The following OPRPN variants were observed in gnomAD, a reference collection of about 807,000 sequenced individuals.
OPRPN encodes opiorphin prepropeptide.
OPRPN carries 1 observed loss-of-function variant against 2.2 expected under a neutral mutation model. The ratio of observed to expected loss-of-function variants is 0.45; its 90% CI spans 0.16 to 2.15. The LOEUF is 2.15. Ranked by LOEUF, OPRPN falls within the 30% of genes most tolerant of loss-of-function variation. OPRPN has a pLI of 0.28. For synonymous variants in OPRPN, 126 were observed against 111.5 expected (o/e 1.13, Z -0.82); for missense variants, 306 against 297.3 (o/e 1.03, Z -0.21).
At chr4:70,398,164 ATG>A (rs1250302183) in intron 1 of OPRPN, 124 bp downstream of exon 1, 3 of 148,002 alleles carry the variant, frequency 2.0e-5, no homozygotes, top group South Asian at 4.2e-4. Flanking sequence ...AAAATCTCAG[ATG>A]TGTTTTTAAA....
Position 70,409,697 on chromosome 4 carries a change from A to T in OPRPN, c.369A>T (p.Pro123=). The T allele has an allele frequency of 6.2e-7, 1 of 1,613,472 alleles. No homozygotes were observed. Among genetic ancestry groups the T allele is most frequent in the Non-Finnish European group, 8.5e-7 (1 of 1,179,636 alleles). The change falls in exon 3 of 3, where the codon CCA becomes CCT. Residue 123 remains proline, a synonymous_variant. Coordinates refer to ENST00000399575, the MANE Select transcript of OPRPN (RefSeq NM_021225.5). ...GACCTATTAGGATATTAAAACCCCC[A>T]TTTCCTCCTATTCCTTTTTTTCTTG... ...YVGPIRILKP[P]FPPIPFFLAI...
At chr4:70,398,967 C>T (rs1449858505) in intron 1 of OPRPN, among the ~76,000 whole-genome samples, 4 of 151,560 alleles carry the variant, frequency 2.6e-5, no homozygotes, top group Non-Finnish European at 5.9e-5. Flanking sequence ...AAAGTAGTCA[C>T]CACTAAAGGC....
At chr4:70,402,515 C>T (rs994029360) in intron 2 of OPRPN, among the ~76,000 whole-genome samples, 4 of 152,058 alleles carry the variant, frequency 2.6e-5, no homozygotes, top group African/African-American at 9.7e-5. Context: ...ACTTATTGAG[C>T]ACTTATTGTT....
chr4:70,399,447 C>T, intron 2 of OPRPN, 111 bp downstream of exon 2: 1 of 887,090 alleles, frequency 1.1e-6, no homozygotes, highest in Non-Finnish European at 1.7e-6. Flanking sequence ...CAGTGTCAGG[C>T]TGTTGATAAT....
chr4:70,404,335 C>T (rs1479606507), intron 2 of OPRPN, among the ~76,000 whole-genome samples: 2 of 152,192 alleles, frequency 1.3e-5, no homozygotes, highest in African/African-American at 2.4e-5. Flanking sequence ...CACATCTCCT[C>T]TTCCTGATCT....
intron 2 of OPRPN, among the ~76,000 whole-genome samples, chr4:70,407,715 G>T: frequency 6.6e-6 from 1 of 152,088 alleles, no homozygotes; most frequent in East Asian, 1.9e-4. Context: ...ATTATAGACA[G>T]GAAGAATACA....
At chr4:70,398,720 T>C (rs959765261) in intron 1 of OPRPN, among the ~76,000 whole-genome samples, 13 of 151,900 alleles carry the variant, frequency 8.6e-5, no homozygotes, top group Non-Finnish European at 1.3e-4. Context: ...TGGAAAAAAA[T>C]CATATCAAAG....
chr4:70,398,975 G>A (rs1247168699), intron 1 of OPRPN, among the ~76,000 whole-genome samples: 1 of 151,096 alleles, frequency 6.6e-6, no homozygotes, highest in East Asian at 2.0e-4. Context: ...CACCACTAAA[G>A]GCAACAAGGA....
Position 70,400,345 on chromosome 4 carries a change from C to T in OPRPN, c.51+1009C>T, listed in dbSNP as rs185258984. Reference sequence around the variant, plus strand: ...GCAATGATACTGTCAGATAAAGTAACGTTATTTTTCTGAAGCATTTTTTGA... The same window carrying T: ...GCAATGATACTGTCAGATAAAGTAATGTTATTTTTCTGAAGCATTTTTTGA... On this transcript the variant is annotated intron_variant, in intron 2 of 2. Transcript: ENST00000399575. 9.9e-5 allele frequency among the ~76,000 whole-genome samples: 15 copies of T among 151,854 alleles called. No individual in the cohort carries two copies. The East Asian group carries it at 2.5e-3, about 25-fold the overall frequency.
At position 70,409,405 on chromosome 4, in the gene OPRPN, G is replaced by C; in HGVS notation, c.77G>C (p.Arg26Thr). Reference sequence around the variant, plus strand: ...CCCAGTGAGAGTCAAAGATTCTCCAGAAGACCATATCTACCTGGCCAGCTG... The same window carrying C: ...CCCAGTGAGAGTCAAAGATTCTCCACAAGACCATATCTACCTGGCCAGCTG... ...FTPSESQRFSRRPYLPGQLPP... is the reference protein window; with the variant it reads ...FTPSESQRFSTRPYLPGQLPP... The change falls in exon 3 of 3, where the codon AGA becomes ACA. Residue 26 changes from arginine to threonine, a missense_variant. Transcript: ENST00000399575. 1.9e-6 allele frequency: 3 copies of C among 1,611,628 alleles called. No homozygotes were observed. Among genetic ancestry groups the C allele is most frequent in the Non-Finnish European group, 2.5e-6 (3 of 1,178,590 alleles).
At chr4:70,406,642 A>AAG (rs1489291415) in intron 2 of OPRPN, among the ~76,000 whole-genome samples, 2 of 152,182 alleles carry the variant, frequency 1.3e-5, no homozygotes, top group African/African-American at 4.8e-5. Context: ...TTATGAAGGC[A>AAG]CAGGGACTAC....
At chr4:70,404,394 C>A (rs1157354603) in intron 2 of OPRPN, among the ~76,000 whole-genome samples, 1 of 152,134 alleles carries the variant, frequency 6.6e-6, no homozygotes, top group Non-Finnish European at 1.5e-5. Context: ...CTTTCTCCAT[C>A]TATGAGCACA....
At position 70,409,835 on chromosome 4, in the gene OPRPN, A is replaced by G; in HGVS notation, c.507A>G (p.Thr169=). The part of the protein sequence containing the change: ...TTATATTSTS[T]KPTMTISSST... The stretch of plus-strand genomic sequence containing the variant: ...CAACAGCAACCACCAGCACTTCCAC[A>G]AAACCCACAATGACGATCAGCTCCT... Residue 169 remains threonine (T), a synonymous_variant, in exon 3 of 3, where the codon ACA becomes ACG. Transcript: ENST00000399575. 1 of 1,612,650 alleles carries G rather than the reference A, an allele frequency of 6.2e-7. No individual in the cohort carries two copies. Among genetic ancestry groups the G allele is most frequent in the Non-Finnish European group, 8.5e-7 (1 of 1,179,208 alleles).
At position 70,409,632 on chromosome 4, in the gene OPRPN, T is replaced by C. The variant is rs373411935; in HGVS notation, c.304T>C (p.Tyr102His). Reference sequence around the variant, plus strand: ...TAGACAACCTCGACTCTTTCCGGGTTATCCAAACCTACATTTCCCACTAAG... The same window carrying C: ...TAGACAACCTCGACTCTTTCCGGGTCATCCAAACCTACATTTCCCACTAAG... The part of the protein sequence containing the change: ...SIRQPRLFPG[Y>H]PNLHFPLRPY... The change falls in exon 3 of 3, where the codon TAT becomes CAT. Residue 102 changes from tyrosine (Y) to histidine (H), a missense_variant. Tyr to His is a moderately conservative substitution (Grantham distance 83). Transcript: ENST00000399575. 32 of 1,614,114 alleles carry C rather than the reference T, an allele frequency of 2.0e-5. No homozygotes were observed. The highest frequency in any genetic ancestry group is 2.7e-5 in the Non-Finnish European group (32 of 1,179,962).
At chr4:70,398,189 G>T (rs140711668) in intron 1 of OPRPN, 149 bp downstream of exon 1, 26 of 151,506 alleles carry the variant, frequency 1.7e-4, no homozygotes, top group African/African-American at 5.8e-4. Context: ...AAAAATCATT[G>T]TCTGTGGTAA....
At position 70,409,585 on chromosome 4, in the gene OPRPN, A is replaced by G. The variant is rs769058859; in HGVS notation, c.257A>G (p.Gln86Arg). Reference protein sequence around the residue: ...SRFSQAVILSQLFPLESIRQP... With the variant: ...SRFSQAVILSRLFPLESIRQP... ...TTTAGCCAAGCAGTCATTCTATCTC[A>G]ACTCTTTCCATTGGAATCTATTAGA... The change falls in exon 3 of 3, where the codon CAA becomes CGA. Residue 86 changes from glutamine to arginine, a missense_variant. By Grantham distance (43) the Gln-to-Arg change is conservative. Transcript: ENST00000399575. The G allele has an allele frequency of 6.2e-7, 1 of 1,613,604 alleles. No individual in the cohort carries two copies. The highest frequency in any genetic ancestry group is 8.5e-7 in the Non-Finnish European group (1 of 1,179,710).
At chr4:70,404,121 C>T (rs565705575) in intron 2 of OPRPN, among the ~76,000 whole-genome samples, 6 of 152,158 alleles carry the variant, frequency 3.9e-5, no homozygotes, top group Non-Finnish European at 7.3e-5. Context: ...TTGCCCACAT[C>T]ATTTGGATGA....
intron 2 of OPRPN, among the ~76,000 whole-genome samples, chr4:70,401,600 C>A (rs370803656): frequency 1.2e-4 from 18 of 152,186 alleles, no homozygotes; most frequent in African/African-American, 3.9e-4. Context: ...GAACATGAGA[C>A]AAACCCTCAA....
intron 2 of OPRPN, among the ~76,000 whole-genome samples, chr4:70,406,035 G>A (rs138667691): frequency 5.3e-4 from 81 of 151,938 alleles, no homozygotes; most frequent in East Asian, 3.7e-3. Context: ...ACCACTGCAC[G>A]CCAGCCTGGG....
Sources: allele counts gnomAD v4.1 joint callset (sites outside exome capture counted in the v4.1 genomes callset), GRCh38; gene constraint gnomAD v4.1.1; transcripts MANE v1.5; gene names NCBI Gene and HGNC (gene_info 2026-07-23, HGNC 2026-07-21).